The following PRKCE variants were observed in gnomAD, a reference collection of about 807,000 sequenced individuals.
The protein encoded by PRKCE is protein kinase C epsilon, also known as protein kinase C epsilon type.
In PRKCE, 16 loss-of-function variants were observed where a neutral mutation model predicts 85.4. That is an observed-to-expected ratio of 0.19 (90% confidence interval 0.13 to 0.28). The LOEUF (loss-of-function observed/expected upper bound fraction) is 0.28. Among genes scored for constraint, PRKCE ranks in the 10% least tolerant of loss-of-function variants. PRKCE has a pLI of 1.00. For missense variants in PRKCE, 573 were observed against 975.2 expected, an observed-to-expected ratio of 0.59 and a Z score of 5.49; for synonymous variants, 388 against 371.5, an observed-to-expected ratio of 1.04 and a Z score of -0.51.
chr2:45,744,485 CTTTTTCTTTCTTT>C (rs1682930740), intron 1 of PRKCE, among the ~76,000 whole-genome samples: 1 of 27,078 alleles, frequency 3.7e-5, no homozygotes, highest in African/African-American at 1.1e-4. Flanking sequence ...TTCTTTCTTT[CTTTTTCTTTCTTT>C]CTTTTCTTTC....
intron 1 of PRKCE, among the ~76,000 whole-genome samples, chr2:45,836,669 G>C (rs1468337192): frequency 6.6e-6 from 1 of 152,154 alleles, no homozygotes; most frequent in East Asian, 1.9e-4. Flanking sequence ...TGGGCCCCCT[G>C]CTTTGGGAAC....
chr2:45,869,790 G>T (rs184255317), intron 2 of PRKCE, among the ~76,000 whole-genome samples: 120 of 135,878 alleles, frequency 8.8e-4, no homozygotes, highest in African/African-American at 3.2e-3. Context: ...TCACTGCAAC[G>T]TCCACCTCCT....
chr2:46,103,843 A>T (rs554496612), intron 11 of PRKCE, among the ~76,000 whole-genome samples: 1 of 152,310 alleles, frequency 6.6e-6, no homozygotes, highest in African/African-American at 2.4e-5. Context: ...TCCACATTTG[A>T]GTAGGCTGAG....
intron 8 of PRKCE, 84 bp from the exon 9 acceptor site, chr2:46,007,378 A>G: frequency 7.4e-7 from 1 of 1,358,374 alleles, no homozygotes; most frequent in Non-Finnish European, 1.0e-6. Context: ...GAGAGCTTAC[A>G]GGGGAAAGTC....
chr2:46,109,601 G>A (rs970909631), intron 11 of PRKCE, among the ~76,000 whole-genome samples: 2 of 151,986 alleles, frequency 1.3e-5, no homozygotes, highest in Non-Finnish European at 2.9e-5. Context: ...GGAGTTTTTT[G>A]TCGATGATTT....
At chr2:45,812,879 A>G (rs1178141734) in intron 1 of PRKCE, among the ~76,000 whole-genome samples, 2 of 152,246 alleles carry the variant, frequency 1.3e-5, no homozygotes, top group African/African-American at 2.4e-5. Flanking sequence ...CATTAGCAAA[A>G]ATAATAGTCC....
At chr2:46,034,529 C>G (rs1707735901) in intron 10 of PRKCE, among the ~76,000 whole-genome samples, 1 of 152,214 alleles carries the variant, frequency 6.6e-6, no homozygotes, top group African/African-American at 2.4e-5. Context: ...CTTCAAACCT[C>G]AAGCAACACC....
intron 10 of PRKCE, among the ~76,000 whole-genome samples, chr2:46,062,857 G>A (rs1308721803): frequency 1.3e-5 from 2 of 151,908 alleles, no homozygotes; most frequent in African/African-American, 2.4e-5. Context: ...TCAAACTCCT[G>A]GGCTCAAGTG....
chr2:45,757,886 G>T (rs1684140298), intron 1 of PRKCE, among the ~76,000 whole-genome samples: 2 of 152,282 alleles, frequency 1.3e-5, no homozygotes, highest in East Asian at 3.9e-4. Context: ...TCTTGACGGA[G>T]GTTGATGCTG....
chr2:45,768,539 C>T (rs772755430), intron 1 of PRKCE, among the ~76,000 whole-genome samples: 3 of 152,030 alleles, frequency 2.0e-5, no homozygotes, highest in Admixed American at 6.5e-5. Context: ...CCAGGGGGCT[C>T]GATGGGTAGG....
intron 10 of PRKCE, among the ~76,000 whole-genome samples, chr2:46,050,013 T>C (rs2105056558): frequency 6.6e-6 from 1 of 152,288 alleles, no homozygotes; most frequent in East Asian, 1.9e-4. Flanking sequence ...CACCGACTGA[T>C]GGGGAAACCT....
intron 10 of PRKCE, among the ~76,000 whole-genome samples, chr2:46,038,662 C>T (rs1472603799): frequency 1.5e-5 from 2 of 130,934 alleles, no homozygotes; most frequent in African/African-American, 7.3e-5. Flanking sequence ...CACACACACA[C>T]ACACACACAC....
intron 11 of PRKCE, among the ~76,000 whole-genome samples, chr2:46,130,410 A>T (rs577414216): frequency 1.3e-5 from 2 of 151,902 alleles, no homozygotes; most frequent in South Asian, 4.1e-4. Context: ...TAGTATGATT[A>T]ATATAACATG....
At chr2:45,848,663 G>A (rs1229666807) in intron 2 of PRKCE, among the ~76,000 whole-genome samples, 4 of 152,180 alleles carry the variant, frequency 2.6e-5, no homozygotes, top group Non-Finnish European at 5.9e-5. Flanking sequence ...CTGGGTTTGG[G>A]GAATGGAGAG....
At chr2:45,910,168 C>T (rs530122129) in intron 2 of PRKCE, among the ~76,000 whole-genome samples, 2 of 152,206 alleles carry the variant, frequency 1.3e-5, no homozygotes, top group East Asian at 3.9e-4. Context: ...GTTAATGATT[C>T]TAAAAATGCC....
At chr2:46,123,620 C>T (rs897522893) in intron 11 of PRKCE, among the ~76,000 whole-genome samples, 2 of 152,192 alleles carry the variant, frequency 1.3e-5, no homozygotes, top group Non-Finnish European at 2.9e-5. Context: ...TCCCAGGTAA[C>T]TGGAACTACA....
At chr2:46,009,346 T>A (rs1705468229) in intron 9 of PRKCE, among the ~76,000 whole-genome samples, 1 of 152,210 alleles carries the variant, frequency 6.6e-6, no homozygotes, top group Non-Finnish European at 1.5e-5. Flanking sequence ...TGTATAAATT[T>A]GTAAGAAATT....
intron 1 of PRKCE, among the ~76,000 whole-genome samples, chr2:45,749,472 C>A (rs943573717): frequency 2.6e-5 from 4 of 152,188 alleles, no homozygotes; most frequent in African/African-American, 9.7e-5. Context: ...ACAGCCCAAT[C>A]TCTTGGATGG....
intron 6 of PRKCE, among the ~76,000 whole-genome samples, chr2:45,993,438 T>C (rs1703970486): frequency 1.3e-5 from 2 of 152,136 alleles, no homozygotes; most frequent in South Asian, 4.2e-4. Flanking sequence ...TTTTTACATA[T>C]TAAGATGAGT....
Sources: gnomAD v4.1 joint callset for allele counts (sites outside exome capture counted in the v4.1 genomes callset) on GRCh38, gnomAD v4.1.1 for gene constraint, MANE v1.5 for transcripts, NCBI Gene and HGNC (gene_info 2026-07-23, HGNC 2026-07-21) for gene names.